The following CDC14A variants were observed in gnomAD, a reference collection of about 807,000 sequenced individuals.
The protein encoded by CDC14A is cell division cycle 14A, also known as dual specificity protein phosphatase CDC14A.
In CDC14A, 53 loss-of-function variants were observed where a neutral mutation model predicts 74.4. The ratio of observed to expected loss-of-function variants is 0.71; its 90% confidence interval spans 0.57 to 0.89. CDC14A has a LOEUF of 0.89. Ranked by LOEUF, CDC14A falls within the 40% of genes least tolerant of loss-of-function variation. CDC14A has a pLI of 0.00. For missense variants in CDC14A, 646 were observed against 713.7 expected (o/e 0.91, Z 1.08); for synonymous variants, 247 against 258.4 (o/e 0.96, Z 0.43).
intron 4 of CDC14A, among the ~76,000 whole-genome samples, chr1:100,420,136 T>G (rs1662191015): frequency 7.5e-6 from 1 of 134,198 alleles, no homozygotes; most frequent in Non-Finnish European, 1.6e-5. Flanking sequence ...TTTTTTTTTT[T>G]TTTTTTTTTG....
intron 4 of CDC14A, among the ~76,000 whole-genome samples, chr1:100,397,012 G>A (rs1658605676): frequency 6.6e-6 from 1 of 151,686 alleles, no homozygotes; most frequent in Admixed American, 6.6e-5. Context: ...ATTCATAAAC[G>A]TTCTTAAAAC....
At chr1:100,395,343 C>G (rs1658322260) in intron 4 of CDC14A, among the ~76,000 whole-genome samples, 1 of 152,306 alleles carries the variant, frequency 6.6e-6, no homozygotes, top group South Asian at 2.1e-4. Flanking sequence ...TATTCCTTCT[C>G]TCCCTAAATG....
intron 4 of CDC14A, 126 bp downstream of exon 4, chr1:100,390,950 T>C (rs1657617405): frequency 1.4e-6 from 1 of 727,526 alleles, no homozygotes. Flanking sequence ...AGTTTGGGAA[T>C]TGATCTGTAG....
In CDC14A at chr1:100,433,286, C is replaced by A. The variant is rs79641618; in HGVS notation, c.390-6646C>A. ...TTCATTCCTGTATTAATTCATTTAGCAACATCTATAACATACTAATTTTCC... is the reference window on the plus strand; with the variant it reads ...TTCATTCCTGTATTAATTCATTTAGAAACATCTATAACATACTAATTTTCC... On this transcript the variant is annotated intron_variant, in intron 5 of 15. Coordinates refer to ENST00000336454, the MANE Select transcript of CDC14A (RefSeq NM_003672.4). Among the ~76,000 whole-genome samples, 202 of 152,260 alleles carry A rather than the reference C, an allele frequency of 1.3e-3. 1 individual carries two copies. Among genetic ancestry groups the A allele is most frequent in the African/African-American group, 4.8e-3 (198 of 41,556 alleles).
chr1:100,500,705 C>T (rs1384615970), intron 15 of CDC14A, among the ~76,000 whole-genome samples: 1 of 125,162 alleles, frequency 8.0e-6, no homozygotes, highest in South Asian at 2.5e-4. Context: ...GAGCCAAGAT[C>T]GTGCCACGGC....
intron 10 of CDC14A, among the ~76,000 whole-genome samples, chr1:100,473,484 T>C (rs1418352319): frequency 6.6e-6 from 1 of 152,268 alleles, no homozygotes; most frequent in South Asian, 2.1e-4. Flanking sequence ...CCTCCTGGGT[T>C]CAAGTGATTC....
intron 4 of CDC14A, among the ~76,000 whole-genome samples, chr1:100,395,367 A>T (rs1658326758): frequency 6.6e-6 from 1 of 152,224 alleles, no homozygotes; most frequent in Non-Finnish European, 1.5e-5. Flanking sequence ...TTATTTCCCA[A>T]GTCATTCCCT....
chr1:100,402,840 G>A (rs911730832), intron 4 of CDC14A, among the ~76,000 whole-genome samples: 1 of 152,218 alleles, frequency 6.6e-6, no homozygotes, highest in Admixed American at 6.5e-5. Context: ...ATTAGAAACA[G>A]CATGCAGTGT....
At chr1:100,506,395 C>T (rs147944287) in intron 15 of CDC14A, among the ~76,000 whole-genome samples, 1 of 145,748 alleles carries the variant, frequency 6.9e-6, no homozygotes, top group Non-Finnish European at 1.5e-5. Context: ...ACATCTTTGG[C>T]CTTCATTCAA....
chr1:100,350,118 A>T (rs1340579222), upstream of CDC14A, among the ~76,000 whole-genome samples: 1 of 151,888 alleles, frequency 6.6e-6, no homozygotes, highest in African/African-American at 2.4e-5. Context: ...TTCCTGGCTA[A>T]TTTTTTTGTA....
intron 4 of CDC14A, among the ~76,000 whole-genome samples, chr1:100,412,257 C>T (rs1393488664): frequency 6.6e-6 from 1 of 152,088 alleles, no homozygotes; most frequent in African/African-American, 2.4e-5. Flanking sequence ...GCTACTCTGC[C>T]ATAATGCTCT....
rs374540127 is a variant in CDC14A at position 100,352,934 on chromosome 1, C to T, written c.-21C>T. 12 of 1,613,652 alleles carry T rather than the reference C, an allele frequency of 7.4e-6. No homozygotes were observed. In the Middle Eastern group the frequency reaches 5.2e-4, roughly 70 times the overall value. On this transcript the variant is annotated 5_prime_UTR_variant, in exon 1 of 16. Coordinates refer to ENST00000336454, the MANE Select transcript of CDC14A (RefSeq NM_003672.4). The stretch of plus-strand genomic sequence containing the variant: ...TCAGCTGGCCACGACCCAGCCCTCC[C>T]CCGTGCGTATCTCGCTTAAGATGGC...
At position 100,468,027 on chromosome 1, in the gene CDC14A, A is replaced by G. The variant is rs1481853124; in HGVS notation, c.910A>G (p.Ile304Val). Residue 304 changes from isoleucine to valine, a missense_variant, in exon 10 of 16, where the codon ATA (isoleucine) becomes GTA (valine). Transcript: ENST00000336454. Reference protein sequence around the residue: ...MKHYRFTHAEIIAWIRICRPG... With the variant: ...MKHYRFTHAEVIAWIRICRPG... ...ACACTACAGGTTTACACATGCTGAA[A>G]TAATTGCTTGGATTAGAATATGCCG... is the stretch of plus-strand genomic sequence containing the variant. 2 of 1,613,308 alleles carry G rather than the reference A, an allele frequency of 1.2e-6. No homozygotes were observed. The highest frequency in any genetic ancestry group is 3.3e-5 in the Admixed American group (2 of 59,878).
At chr1:100,362,429 T>A (rs72969071) in intron 2 of CDC14A, among the ~76,000 whole-genome samples, 13,682 of 152,240 alleles carry the variant, frequency 0.09, 2,118 homozygotes, top group African/African-American at 0.31. Flanking sequence ...CTGATTTTTT[T>A]AATCATACAT....
intron 5 of CDC14A, among the ~76,000 whole-genome samples, chr1:100,432,725 C>G (rs999834097): frequency 3.9e-4 from 59 of 152,168 alleles, no homozygotes; most frequent in East Asian, 1.9e-3. Context: ...CTAAAATTTA[C>G]TTTTTTCTTG....
chr1:100,498,814 A>T (rs1648283110), intron 14 of CDC14A, 115 bp from the exon 15 acceptor site: 2 of 1,356,582 alleles, frequency 1.5e-6, no homozygotes, highest in Non-Finnish European at 2.0e-6. Flanking sequence ...CATTGATCAG[A>T]TTCATCTTCA....
chr1:100,432,052 T>C (rs1014356375), intron 5 of CDC14A, among the ~76,000 whole-genome samples: 3 of 152,172 alleles, frequency 2.0e-5, no homozygotes, highest in African/African-American at 7.2e-5. Context: ...AGTAAAATGA[T>C]TCCTGTATAG....
At chr1:100,386,435 A>C (rs1192253455) in intron 3 of CDC14A, among the ~76,000 whole-genome samples, 1 of 152,202 alleles carries the variant, frequency 6.6e-6, no homozygotes, top group Non-Finnish European at 1.5e-5. Flanking sequence ...TGTGTAAAGC[A>C]GAAAATAATC....
chr1:100,352,197 G>A (rs529737374), upstream of CDC14A, among the ~76,000 whole-genome samples: 883 of 152,266 alleles, frequency 5.8e-3, 14 homozygotes, highest in African/African-American at 0.02. Flanking sequence ...TCTCAACCCC[G>A]CCGTTTCATT....
Sources: allele counts gnomAD v4.1 joint callset (sites outside exome capture counted in the v4.1 genomes callset), GRCh38; gene constraint gnomAD v4.1.1; transcripts MANE v1.5; gene names NCBI Gene and HGNC (gene_info 2026-07-23, HGNC 2026-07-21).